Variants in ADAMTS17 observed in about 807,000 individuals in gnomAD.
ADAMTS17 encodes the protein A disintegrin and metalloproteinase with thrombospondin motifs 17.
ADAMTS17 carries 113 observed loss-of-function variants against 141.5 expected under a neutral mutation model. The ratio of observed to expected loss-of-function variants is 0.80; its 90% CI spans 0.69 to 0.93. The LOEUF (loss-of-function observed/expected upper bound fraction) is 0.93. Ranked by LOEUF, ADAMTS17 falls within the 40% of genes least tolerant of loss-of-function variation. The pLI is 0.00. For missense variants in ADAMTS17, 1,659 were observed against 1,517.9 expected (o/e 1.09, Z -1.54); for synonymous variants, 768 against 630.6 (o/e 1.22, Z -3.27).
chr15:100,006,434 CTGA>C (rs2061037617), intron 18 of ADAMTS17, among the ~76,000 whole-genome samples: 1 of 152,222 alleles, frequency 6.6e-6, no homozygotes, highest in Admixed American at 6.5e-5. Context: ...GTGAGGTCTG[CTGA>C]TGTGACAGTT....
rs146870505 is a variant in ADAMTS17, at chr15:100,010,591, G to A, written c.2592-13002C>T. On this transcript the variant is annotated intron_variant, in intron 18 of 21. Transcript: ENST00000268070. ...CAGGCCCTTCCCAAAAAAGACCAGC[G>A]TCAGAGGTTCCTGTCTGCCTGAGAC... Among the ~76,000 whole-genome samples the A allele has an allele frequency of 2.4e-4, 36 of 152,338 alleles. No homozygotes were observed. In the East Asian group the frequency reaches 3.7e-3, roughly 16 times the overall value.
intron 12 of ADAMTS17, among the ~76,000 whole-genome samples, chr15:100,125,851 G>A (rs2037705692): frequency 6.6e-6 from 1 of 152,210 alleles, no homozygotes; most frequent in South Asian, 2.1e-4. Context: ...TGTGTGTGGG[G>A]GGACTCTCTT....
intron 3 of ADAMTS17, among the ~76,000 whole-genome samples, chr15:100,324,557 C>T (rs374740204): frequency 2.5e-4 from 38 of 152,282 alleles, no homozygotes; most frequent in African/African-American, 7.2e-4. Flanking sequence ...GCAAATCTCA[C>T]CAGAGTCCGG....
At chr15:100,126,736 GCA>G (rs1263263987) in intron 12 of ADAMTS17, among the ~76,000 whole-genome samples, 2 of 152,230 alleles carry the variant, frequency 1.3e-5, no homozygotes, top group African/African-American at 4.8e-5. Context: ...TGGGGCAAGT[GCA>G]CATCCAGGCA....
At chr15:100,309,433 A>G (rs1596492097) in intron 3 of ADAMTS17, among the ~76,000 whole-genome samples, 1 of 152,192 alleles carries the variant, frequency 6.6e-6, no homozygotes, top group Non-Finnish European at 1.5e-5. Context: ...AACCCACTGC[A>G]ACCTCGGGGG....
chr15:99,977,349 C>T (rs1324541234), intron 20 of ADAMTS17, among the ~76,000 whole-genome samples: 5 of 30,326 alleles, frequency 1.6e-4, no homozygotes, highest in Non-Finnish European at 2.1e-4. Context: ...CCCTCCTCTT[C>T]ATATATATAT....
intron 14 of ADAMTS17, among the ~76,000 whole-genome samples, chr15:100,107,329 G>C (rs749260121): frequency 6.6e-6 from 1 of 152,162 alleles, no homozygotes; most frequent in Non-Finnish European, 1.5e-5. Context: ...GCCAGCATCT[G>C]GCTCACCACA....
chr15:100,160,798 A>G (rs1207433543), intron 8 of ADAMTS17, among the ~76,000 whole-genome samples: 1 of 152,154 alleles, frequency 6.6e-6, no homozygotes, highest in Non-Finnish European at 1.5e-5. Flanking sequence ...TCTCCTTTAA[A>G]ATGTTTACAT....
intron 18 of ADAMTS17, among the ~76,000 whole-genome samples, chr15:100,002,689 T>C (rs573584232): frequency 4.7e-4 from 72 of 152,268 alleles, no homozygotes; most frequent in African/African-American, 1.5e-3. Flanking sequence ...ATTTCTTGAT[T>C]TGAGCAATTT....
chr15:100,171,052 G>A (rs2040140907), intron 8 of ADAMTS17, among the ~76,000 whole-genome samples: 2 of 152,100 alleles, frequency 1.3e-5, no homozygotes, highest in African/African-American at 4.8e-5. Flanking sequence ...GGTTCTCCTA[G>A]GGGAAGCCAT....
rs955244467 is a variant in ADAMTS17, at chr15:100,288,728, C to A, written c.617-7327G>T. ...ACTAAGAAGATCACTCAAAACCATA[C>A]AATTACATGGAAATTAAACAAGCTG... On this transcript the variant is annotated intron_variant, in intron 3 of 21. Transcript: ENST00000268070. 1.3e-5 allele frequency among the ~76,000 whole-genome samples: 2 copies of A among 152,112 alleles called. 1 individual carries two copies. Among genetic ancestry groups the A allele is most frequent in the South Asian group, 4.1e-4 (2 of 4,832 alleles).
chr15:100,170,194 G>A (rs1021526834), intron 8 of ADAMTS17, among the ~76,000 whole-genome samples: 6 of 152,238 alleles, frequency 3.9e-5, no homozygotes, highest in African/African-American at 9.6e-5. Context: ...ACATTCATCC[G>A]TCCTCCCCTT....
intron 7 of ADAMTS17, 22 bp from the exon 8 acceptor site, chr15:100,199,445 C>A (rs1237230638): frequency 1.2e-6 from 2 of 1,604,568 alleles, no homozygotes; most frequent in African/African-American, 1.3e-5. Context: ...ACACAAAACA[C>A]ATCCTCTTCA....
intron 3 of ADAMTS17, among the ~76,000 whole-genome samples, chr15:100,306,744 C>G (rs538758788): frequency 6.6e-6 from 1 of 152,166 alleles, no homozygotes; most frequent in Non-Finnish European, 1.5e-5. Context: ...CTCCCATGCT[C>G]GAACTCGGTA....
At chr15:100,339,253 T>C in intron 2 of ADAMTS17, 1 of 750,678 alleles carries the variant, frequency 1.3e-6, no homozygotes, top group East Asian at 1.3e-4. Context: ...CCAGCCCTCA[T>C]TCTGCAAGGA....
intron 19 of ADAMTS17, among the ~76,000 whole-genome samples, chr15:99,995,951 T>G (rs1011726045): frequency 6.6e-6 from 1 of 152,178 alleles, no homozygotes; most frequent in Non-Finnish European, 1.5e-5. Flanking sequence ...TCCCATTGTC[T>G]CACATTTTCC....
In ADAMTS17 at chr15:100,132,123, CT is replaced by C. The variant is rs2038082107; in HGVS notation, c.1604del (p.Lys535ArgfsTer53). The C allele has an allele frequency of 6.2e-7, 1 of 1,613,950 alleles. No individual in the cohort carries two copies. The highest frequency in any genetic ancestry group is 8.5e-7 in the Non-Finnish European group (1 of 1,180,028). On this transcript the variant is annotated frameshift_variant, in exon 12 of 22. Coordinates refer to ENST00000268070, the MANE Select transcript of ADAMTS17 (RefSeq NM_139057.4). LOFTEE classifies it high-confidence loss of function. Reference protein sequence around the residue: ...KWCRAGECVSKTPIPEHVDGD... With the variant: ...KWCRAGECVSXTPIPEHVDGD... ...CGTCCACATGCTCCGGGATGGGCGTCTTGCTCACGCACTCCCCCGCGCGGCA... is the reference window on the plus strand; with the variant it reads ...CGTCCACATGCTCCGGGATGGGCGTCTGCTCACGCACTCCCCCGCGCGGCA...
chr15:100,339,267 T>A, intron 2 of ADAMTS17: 1 of 668,434 alleles, frequency 1.5e-6, no homozygotes, highest in Non-Finnish European at 1.9e-6. Context: ...GCAAGGATTT[T>A]AAATCAATGT....
At chr15:99,985,090 G>A (rs941405588) in intron 20 of ADAMTS17, among the ~76,000 whole-genome samples, 3 of 152,268 alleles carry the variant, frequency 2.0e-5, no homozygotes, top group Non-Finnish European at 2.9e-5. Flanking sequence ...TGTGAGCATG[G>A]CCCAGGTCTC....
Sources: allele counts gnomAD v4.1 joint callset (sites outside exome capture counted in the v4.1 genomes callset), GRCh38; gene constraint gnomAD v4.1.1; transcripts MANE v1.5; gene names NCBI Gene and HGNC (gene_info 2026-07-23, HGNC 2026-07-21).